The following NEMP2 variants were observed in gnomAD, a reference collection of about 807,000 sequenced individuals.
NEMP2 encodes UPF0571 transmembrane protein.
Under a neutral mutation model 54.2 loss-of-function variants are expected in NEMP2, and 53 were observed. The observed-to-expected ratio is 0.98, with a 90% CI of 0.78 to 1.23. The LOEUF is 1.23. NEMP2 is among the 50% of genes most tolerant of loss of function. The pLI is 0.00. For synonymous variants in NEMP2, 197 were observed against 190.3 expected (o/e 1.04, Z -0.29); for missense variants, 455 against 511.3 (o/e 0.89, Z 1.06).
At chr2:190,571,403 CGT>C in the NEMP2 span, among the ~76,000 whole-genome samples, 1 of 151,842 alleles carries the variant, frequency 6.6e-6, no homozygotes, top group Non-Finnish European at 1.5e-5. Context: ...ATTAGCCAGG[CGT>C]GGTGGTGGGC....
the NEMP2 span, chr2:190,497,591 G>T: frequency 6.2e-7 from 1 of 1,614,062 alleles, no homozygotes; most frequent in Non-Finnish European, 8.5e-7. This position sits in a 1 kb window ranked among gnomAD's most constrained non-coding sequence, Gnocchi z 5.2. Flanking sequence ...AGAACAGGAA[G>T]ATGTGAACAA....
the NEMP2 span, chr2:190,436,622 A>G: frequency 2.1e-5 from 34 of 1,614,232 alleles, no homozygotes; most frequent in Non-Finnish European, 2.7e-5. This position sits in a 1 kb window ranked among gnomAD's most constrained non-coding sequence, Gnocchi z 5.3. Context: ...ATGCGTGAGA[A>G]AAGAAACCTT....
chr2:190,537,542 C>T (rs545397767), upstream of NEMP2, among the ~76,000 whole-genome samples: 56 of 152,282 alleles, frequency 3.7e-4, no homozygotes, highest in African/African-American at 1.3e-3. Context: ...CCTGAGGCCT[C>T]CCCAGCCATG....
chr2:190,613,841 C>T, the NEMP2 span, among the ~76,000 whole-genome samples: 2 of 151,980 alleles, frequency 1.3e-5, no homozygotes, highest in African/African-American at 2.4e-5. Flanking sequence ...CTGCCCGCCT[C>T]GGCCTCCTAA....
At chr2:190,454,942 G>A in the NEMP2 span, among the ~76,000 whole-genome samples, 1 of 61,250 alleles carries the variant, frequency 1.6e-5, no homozygotes, top group Non-Finnish European at 4.3e-5. The surrounding 1 kb of genome is among the most constrained non-coding windows in gnomAD (Gnocchi z 4.6). Context: ...GTATGTATAT[G>A]TATATGTATA....
At chr2:190,613,776 G>T in the NEMP2 span, among the ~76,000 whole-genome samples, 1 of 152,016 alleles carries the variant, frequency 6.6e-6, no homozygotes, top group Non-Finnish European at 1.5e-5. Context: ...TTTTAGTAGA[G>T]ACAGGATTTC....
the NEMP2 span, among the ~76,000 whole-genome samples, chr2:190,474,091 T>C: frequency 2.4e-3 from 365 of 152,130 alleles, 6 homozygotes; most frequent in Non-Finnish European, 1.3e-3. Context: ...TTTATAGCAC[T>C]AAATGCCCAC....
the NEMP2 span, chr2:190,648,604 C>G: frequency 6.6e-6 from 1 of 151,068 alleles, no homozygotes; most frequent in African/African-American, 2.4e-5. Context: ...TATCGGGAAC[C>G]TCACACATAA....
chr2:190,641,848 C>G, the NEMP2 span, among the ~76,000 whole-genome samples: 2 of 152,068 alleles, frequency 1.3e-5, no homozygotes, highest in Non-Finnish European at 2.9e-5. Context: ...CCACTGTTGC[C>G]AAAGATAGGG....
the NEMP2 span, among the ~76,000 whole-genome samples, chr2:190,438,433 T>C: frequency 6.6e-6 from 1 of 152,100 alleles, no homozygotes; most frequent in Admixed American, 6.5e-5. The surrounding 1 kb of genome is among the most constrained non-coding windows in gnomAD (Gnocchi z 5.2). Context: ...CAAGAATCAC[T>C]TGAACCCAGG....
chr2:190,481,059 A>G, the NEMP2 span, among the ~76,000 whole-genome samples: 1 of 152,228 alleles, frequency 6.6e-6, no homozygotes, highest in Non-Finnish European at 1.5e-5. Context: ...TTTGAGGAAG[A>G]TAAGTGAAAT....
At position 190,512,505 on chromosome 2, in the gene NEMP2, C is replaced by T. The variant is rs1690403868; in HGVS notation, c.953+1948G>A. On this transcript the variant is annotated intron_variant, in intron 7 of 8. Coordinates refer to ENST00000409150, the MANE Select transcript of NEMP2 (RefSeq NM_001142645.2). This position sits in a 1 kb window ranked among gnomAD's most constrained non-coding sequence, Gnocchi z 4.5. ...TAAGTTCCTGTTTCATCCCCTAATT[C>T]TTTATATAATTATTCACTAGCAAAA... is the stretch of plus-strand genomic sequence containing the variant. Among the ~76,000 whole-genome samples, 1 of 152,192 alleles carries T rather than the reference C, an allele frequency of 6.6e-6. No individual in the cohort carries two copies. Among genetic ancestry groups the T allele is most frequent in the Non-Finnish European group, 1.5e-5 (1 of 68,040 alleles).
chr2:190,499,130 A>G, the NEMP2 span, among the ~76,000 whole-genome samples: 1 of 152,242 alleles, frequency 6.6e-6, no homozygotes, highest in Non-Finnish European at 1.5e-5. The surrounding 1 kb of genome is among the most constrained non-coding windows in gnomAD (Gnocchi z 6.0). Flanking sequence ...CCTAGGCGAC[A>G]GAGTGAGACT....
the NEMP2 span, among the ~76,000 whole-genome samples, chr2:190,445,464 A>AAAAAC: frequency 2.0e-5 from 3 of 148,884 alleles, no homozygotes; most frequent in African/African-American, 7.4e-5. Flanking sequence ...TCACAAAAAA[A>AAAAAC]AAAACCCCGA....
chr2:190,534,497 GC>G lies in NEMP2; in HGVS notation c.97+61del. 5.3e-6 allele frequency: 7 copies of G among 1,331,212 alleles called. No individual in the cohort carries two copies. The Middle Eastern group carries it at 8.6e-4, about 164-fold the overall frequency. 82.5% of individuals were successfully genotyped at this position (1,331,212 alleles called of 1,614,324 possible). A position where few individuals can be genotyped will look rare whatever the true frequency, so the allele number is the denominator to read the frequency against. On this transcript the variant is annotated intron_variant, in intron 1 of 8. Transcript: ENST00000409150. ...CCGGGCCAAAGAGCGCGCCCTCAGG[GC>G]AGCCGCGAAGCCGGGGAGCGAGCAC... is the stretch of plus-strand genomic sequence containing the variant.
chr2:190,625,507 A>C, the NEMP2 span: 1 of 152,250 alleles, frequency 6.6e-6, no homozygotes, highest in African/African-American at 2.4e-5. Flanking sequence ...AACTTTGTGA[A>C]TGTACTAAGA....
chr2:190,454,011 T>C, the NEMP2 span: 23 of 152,232 alleles, frequency 1.5e-4, no homozygotes, highest in African/African-American at 5.5e-4. This position sits in a 1 kb window ranked among gnomAD's most constrained non-coding sequence, Gnocchi z 4.6. Flanking sequence ...AATGTTTATG[T>C]TCAATTTCCT....
the NEMP2 span, among the ~76,000 whole-genome samples, chr2:190,458,820 C>T: frequency 8.5e-5 from 13 of 152,178 alleles, no homozygotes; most frequent in African/African-American, 2.4e-4. The surrounding 1 kb of genome is among the most constrained non-coding windows in gnomAD (Gnocchi z 5.3). Flanking sequence ...TCAGATGACG[C>T]GATCAGAACC....
chr2:190,582,780 A>G, the NEMP2 span, among the ~76,000 whole-genome samples: 10 of 152,218 alleles, frequency 6.6e-5, no homozygotes, highest in African/African-American at 2.4e-4. This position sits in a 1 kb window ranked among gnomAD's most constrained non-coding sequence, Gnocchi z 4.6. Context: ...ATGGTCACAC[A>G]GTATGCAAGT....
Sources: gnomAD v4.1 joint callset for allele counts (sites outside exome capture counted in the v4.1 genomes callset) on GRCh38, gnomAD v4.1.1 for gene constraint, Gnocchi (gnomAD v3.1) non-coding constraint, MANE v1.5 for transcripts, NCBI Gene and HGNC (gene_info 2026-07-23, HGNC 2026-07-21) for gene names.